The following GIT1 variants were observed in gnomAD, a reference collection of about 807,000 sequenced individuals.
GIT1 encodes ARF GTPase-activating protein GIT1.
GIT1 carries 14 observed loss-of-function variants against 91.7 expected under a neutral mutation model. The observed-to-expected ratio is 0.15, with a 90% CI of 0.10 to 0.24. The LOEUF is 0.24. Ranked by LOEUF, GIT1 falls within the 10% of genes least tolerant of loss-of-function variation. The pLI is 1.00. For missense variants in GIT1, 717 were observed against 1,024.9 expected (o/e 0.70, Z 4.10); for synonymous variants, 414 against 418.2 (o/e 0.99, Z 0.12).
intron 9 of GIT1, 57 bp from the exon 10 acceptor site, chr17:29,577,799 G>A: frequency 9.4e-7 from 1 of 1,069,086 alleles, no homozygotes; most frequent in Non-Finnish European, 1.5e-6. Flanking sequence ...CAAGGTGGGG[G>A]TGGGGAAGCA....
intron 7 of GIT1, among the ~76,000 whole-genome samples, chr17:29,579,659 G>C (rs1001001385): frequency 2.6e-5 from 4 of 151,900 alleles, no homozygotes; most frequent in African/African-American, 9.7e-5. Flanking sequence ...ATCGTTTGAG[G>C]CTGTGGTAAG....
chr17:29,578,456 G>A, intron 8 of GIT1, 85 bp from the exon 9 acceptor site: 1 of 1,267,298 alleles, frequency 7.9e-7, no homozygotes. Flanking sequence ...GTGAGCCTTG[G>A]GGAACCGGTG....
chr17:29,583,899 A>C (rs1330175988), intron 1 of GIT1: 12 of 441,498 alleles, frequency 2.7e-5, no homozygotes, highest in Non-Finnish European at 4.8e-5. Context: ...CCTGCCCTGC[A>C]GCCACTGCTA....
intron 2 of GIT1, 123 bp from the exon 3 acceptor site, chr17:29,583,160 G>A (rs913327467): frequency 7.1e-5 from 49 of 685,946 alleles, no homozygotes; most frequent in African/African-American, 5.4e-4. Context: ...CCTACTGTGT[G>A]CCCGCACCAC....
At position 29,575,746 on chromosome 17, in the gene GIT1, ACCCACACTGCCCCTAG is replaced by A. The variant is rs151175398; in HGVS notation, c.1752+50_1753-44del. The A allele has an allele frequency of 3.1e-3, 4,942 of 1,609,272 alleles. 100 individuals carry two copies. The African/African-American group carries it at 0.04, about 13-fold the overall frequency. The stretch of plus-strand genomic sequence containing the variant: ...GGGGCTGTGAGCGCCGTGTTCCTGG[ACCCACACTGCCCCTAG>A]CCCACACGGCCCCCAGCCACCCTGT... On this transcript the variant is annotated intron_variant, in intron 16 of 19. Coordinates refer to ENST00000225394, the MANE Select transcript of GIT1 (RefSeq NM_014030.4). The surrounding 1 kb of genome is among the most constrained non-coding windows in gnomAD (Gnocchi z 5.5).
chr17:29,586,115 A>C (rs1367661479), intron 1 of GIT1, among the ~76,000 whole-genome samples: 1 of 152,206 alleles, frequency 6.6e-6, no homozygotes, highest in Non-Finnish European at 1.5e-5. Flanking sequence ...TCCTTGGGGT[A>C]GAGTCAGAAT....
chr17:29,576,800 C>T, intron 12 of GIT1, 63 bp downstream of exon 12: 1 of 1,576,240 alleles, frequency 6.3e-7, no homozygotes, highest in Non-Finnish European at 8.6e-7. Context: ...GAGGACAGAG[C>T]TGGGCCTCAG....
Position 29,583,022 on chromosome 17 carries a change from C to T in GIT1, c.202G>A (p.Ala68Thr). 6.2e-7 allele frequency: 1 copy of T among 1,607,746 alleles called. No individual in the cohort carries two copies. Among genetic ancestry groups the T allele is most frequent in the South Asian group, 1.1e-5 (1 of 91,028 alleles). ...PTLLQMVHTL[A>T]SNGANSIWEH... is the part of the protein sequence containing the mutation. ...CAGATGGAGTTGGCCCCGTTGCTGG[C>T]AAGCGTGTGCACCATCTGCAGGGAA... is the stretch of plus-strand genomic sequence containing the variant. Residue 68 changes from alanine (A) to threonine (T), a missense_variant, in exon 3 of 20, where the codon GCC becomes ACC. Ala to Thr is a moderately conservative substitution (Grantham distance 58). Coordinates refer to ENST00000225394, the MANE Select transcript of GIT1 (RefSeq NM_014030.4).
Position 29,575,146 on chromosome 17 carries a change from CG to C in GIT1, c.2010-5del, listed in dbSNP as rs1567767778. The C allele has an allele frequency of 1.9e-6, 3 of 1,594,676 alleles. No homozygotes were observed. The highest frequency in any genetic ancestry group is 3.3e-4 in the Middle Eastern group (2 of 5,972). On this transcript the variant is annotated splice_polypyrimidine_tract_variant and splice_region_variant and intron_variant, in intron 18 of 19. Transcript: ENST00000225394. This position sits in a 1 kb window ranked among gnomAD's most constrained non-coding sequence, Gnocchi z 5.5. ...CTTCTCTGAGCAGGGCACGAAGCTG[CG>C]GGGAGAAGGGAGGCTATAAAGCAGG...
intron 1 of GIT1, among the ~76,000 whole-genome samples, chr17:29,585,273 C>T (rs2033556675): frequency 6.6e-6 from 1 of 152,138 alleles, no homozygotes; most frequent in African/African-American, 2.4e-5. Flanking sequence ...CCAGCCACCT[C>T]CAGCAGCCCA....
intron 9 of GIT1, 95 bp downstream of exon 9, chr17:29,578,203 AC>A: frequency 9.7e-7 from 1 of 1,032,036 alleles, no homozygotes; most frequent in Non-Finnish European, 1.5e-6. Context: ...AGCAGCCCCA[AC>A]CCCAGGCACC....
intron 1 of GIT1, among the ~76,000 whole-genome samples, chr17:29,587,503 G>A (rs2033628770): frequency 1.3e-5 from 2 of 152,148 alleles, no homozygotes; most frequent in South Asian, 4.1e-4. Flanking sequence ...CTGGGAGGAG[G>A]AGCTGGGCAA....
rs1489794073 is a variant in GIT1 at position 29,577,699 on chromosome 17, G to A, written c.927C>T (p.Arg309=). The A allele has an allele frequency of 6.2e-7, 1 of 1,612,906 alleles. No homozygotes were observed. The highest frequency in any genetic ancestry group is 1.1e-5 in the South Asian group (1 of 91,066). Residue 309 remains arginine, a synonymous_variant, in exon 10 of 20, where the codon CGC becomes CGT. Coordinates refer to ENST00000225394, the MANE Select transcript of GIT1 (RefSeq NM_014030.4). ...TAACAGGCAGGAAGGGCACGGCACT[G>A]CGCTCTGTCACCAGAGTGCTGTGGT... ...TQNHSTLVTE[R]SAVPFLPVNP...
At chr17:29,588,481 C>T (rs2033675420) in intron 1 of GIT1, among the ~76,000 whole-genome samples, 1 of 152,220 alleles carries the variant, frequency 6.6e-6, no homozygotes, top group South Asian at 2.1e-4. Context: ...CATGTAAATA[C>T]AGCCAGGAGA....
rs747296151 is a variant in GIT1 at position 29,578,362 on chromosome 17, G to C, written c.820C>G (p.Arg274Gly). 1 of 1,614,116 alleles carries C rather than the reference G, an allele frequency of 6.2e-7. No homozygotes were observed. Among genetic ancestry groups the C allele is most frequent in the African/African-American group, 1.3e-5 (1 of 75,050 alleles). The change falls in exon 9 of 20, where the codon CGG (arginine) becomes GGG (glycine). Residue 274 changes from arginine to glycine, a missense_variant. By Grantham distance (125) the Arg-to-Gly change is moderately radical (BLOSUM62 -2). Around this residue, in one of 3 missense-constraint regions of GIT1, gnomAD observed 271 missense variants for 451.6 expected, o/e 0.60. Coordinates refer to ENST00000225394, the MANE Select transcript of GIT1 (RefSeq NM_014030.4). ...TCCATGGCGAGTTCCTCAAAAAGCC[G>C]GTTGCTGAGCTGGAGGAAGAGAGGG... ...AKKKLQALSNRLFEELAMDVY... is the reference protein window; with the variant it reads ...AKKKLQALSNGLFEELAMDVY...
At position 29,575,173 on chromosome 17, in the gene GIT1, G is replaced by A. The variant is rs756503801; in HGVS notation, c.2010-31C>T. On this transcript the variant is annotated intron_variant, in intron 18 of 19. Coordinates refer to ENST00000225394, the MANE Select transcript of GIT1 (RefSeq NM_014030.4). This position sits in a 1 kb window ranked among gnomAD's most constrained non-coding sequence, Gnocchi z 5.5. ...GGGAGAAGGGAGGCTATAAAGCAGG[G>A]GGCTCTCAAGGGAGGTTCCCAGGGA... 3.1e-5 allele frequency: 48 copies of A among 1,572,560 alleles called. No individual in the cohort carries two copies. Among genetic ancestry groups the A allele is most frequent in the Non-Finnish European group, 3.7e-5 (43 of 1,153,418 alleles).
In GIT1 at chr17:29,578,344, C is replaced by T. The variant is rs748703067; in HGVS notation, c.838G>A (p.Ala280Thr). 13 of 1,614,028 alleles carry T rather than the reference C, an allele frequency of 8.1e-6. No homozygotes were observed. The highest frequency in any genetic ancestry group is 2.2e-5 in the East Asian group (1 of 44,892). The part of the protein sequence containing the change: ...ALSNRLFEEL[A>T]MDVYDEVDRR... ...TCCACCTCGTCATACACGTCCATGG[C>T]GAGTTCCTCAAAAAGCCGGTTGCTG... The change falls in exon 9 of 20, where the codon GCC becomes ACC. Residue 280 changes from alanine (A) to threonine (T), a missense_variant. Around this residue, in one of 3 missense-constraint regions of GIT1, gnomAD observed 271 missense variants for 451.6 expected, o/e 0.60. Coordinates refer to ENST00000225394, the MANE Select transcript of GIT1 (RefSeq NM_014030.4).
At position 29,573,484 on chromosome 17, in the gene GIT1, CTTCT is replaced by C. The variant is rs1300460671; in HGVS notation, c.*1214_*1217del. ...AAGCATCAGAAACAGCTCATGGTCA[CTTCT>C]TTATTTTTGATACAAATGTACATGA... On this transcript the variant is annotated 3_prime_UTR_variant, in exon 20 of 20. Transcript: ENST00000225394. 6 of 152,818 alleles carry C rather than the reference CTTCT, an allele frequency of 3.9e-5. No individual in the cohort carries two copies. In the East Asian group the frequency reaches 5.8e-4, roughly 15 times the overall value. The allele number at this position is 152,818 out of a possible 1,614,324, so 9.5% of individuals were successfully genotyped here.
In GIT1 at chr17:29,581,320, CAT is replaced by C; in HGVS notation, c.761+16_761+17del. ...GCATCCAACAGCCTCTGGAAAGGGG[CAT>C]CAGGTGGGCACTCACCTGTCAGCCA... On this transcript the variant is annotated intron_variant, in intron 7 of 19. Coordinates refer to ENST00000225394, the MANE Select transcript of GIT1 (RefSeq NM_014030.4). This position sits in a 1 kb window ranked among gnomAD's most constrained non-coding sequence, Gnocchi z 4.8. The C allele has an allele frequency of 4.4e-6, 7 of 1,596,522 alleles. No homozygotes were observed. Among genetic ancestry groups the C allele is most frequent in the Non-Finnish European group, 6.0e-6 (7 of 1,164,348 alleles).
Sources: allele counts gnomAD v4.1 joint callset (sites outside exome capture counted in the v4.1 genomes callset), GRCh38; gene constraint gnomAD v4.1.1; regional missense constraint gnomAD v4.1.1; non-coding constraint Gnocchi (gnomAD v3.1); transcripts MANE v1.5; gene names NCBI Gene and HGNC (gene_info 2026-07-23, HGNC 2026-07-21).